The following CD8A variants were observed in gnomAD, a reference collection of about 807,000 sequenced individuals.
The protein encoded by CD8A is CD8 subunit alpha.
Under a neutral mutation model 24.2 loss-of-function variants are expected in CD8A, and 25 were observed. The ratio of observed to expected loss-of-function variants is 1.03; its 90% CI spans 0.75 to 1.44. The LOEUF (loss-of-function observed/expected upper bound fraction) is 1.44, where lower values mean the gene tolerates loss of function less well. Ranked by LOEUF, CD8A falls within the 40% of genes most tolerant of loss-of-function variation. CD8A has a pLI of 0.00. For synonymous variants in CD8A, 165 were observed against 149.9 expected (o/e 1.10, Z -0.74); for missense variants, 360 against 319.7 (o/e 1.13, Z -0.96).
At chr2:86,791,341 C>T (rs1428523200), upstream of CD8A, 3 of 361,856 alleles carry the variant, frequency 8.3e-6, no homozygotes, top group Non-Finnish European at 1.6e-5. Context: ...TAGCGACCTG[C>T]CCGCTTCTGA....
Position 86,785,201 on chromosome 2 carries a change from T to C in CD8A, c.*719A>G, listed in dbSNP as rs1558732500. The C allele has an allele frequency of 4.4e-6, 2 of 453,906 alleles. No homozygotes were observed. The highest frequency in any genetic ancestry group is 8.8e-6 in the Non-Finnish European group (2 of 226,790). The allele number at this position is 453,906 out of a possible 1,614,324, so 28.1% of individuals were successfully genotyped here. A position where few individuals can be genotyped will look rare whatever the true frequency, so the allele number is the denominator to read the frequency against. ...GTTTCACAGAGATTTTCTTTAGAGA[T>C]AGAGGGATTCATTTTCCAGGGTTAA... is the stretch of plus-strand genomic sequence containing the variant. On this transcript the variant is annotated 3_prime_UTR_variant, in exon 6 of 6. Transcript: ENST00000283635.
chr2:86,789,047 TGCGC>T (rs1673144251), intron 4 of CD8A, among the ~76,000 whole-genome samples: 1 of 152,168 alleles, frequency 6.6e-6, no homozygotes, highest in Non-Finnish European at 1.5e-5. Context: ...TCCAGACATG[TGCGC>T]GCGCGCTGCG....
At chr2:86,787,677 A>G (rs1270203461) in intron 5 of CD8A, among the ~76,000 whole-genome samples, 7 of 152,174 alleles carry the variant, frequency 4.6e-5, no homozygotes, top group African/African-American at 1.4e-4. Flanking sequence ...CTTTCATCAA[A>G]TGGTTATTAC....
intron 5 of CD8A, among the ~76,000 whole-genome samples, chr2:86,787,804 C>A (rs1477294198): frequency 1.3e-5 from 2 of 151,930 alleles, no homozygotes; most frequent in Non-Finnish European, 2.9e-5. Context: ...TATCACAGTG[C>A]CTGACTAGAG....
At chr2:86,807,954 G>C (rs1573474525) in intron 1 of CD8A, among the ~76,000 whole-genome samples, 1 of 152,160 alleles carries the variant, frequency 6.6e-6, no homozygotes, top group Non-Finnish European at 1.5e-5. Flanking sequence ...GACAGGGTCT[G>C]CTGTAGAGGA....
chr2:86,805,685 T>C (rs1167318356), intron 2 of CD8A, among the ~76,000 whole-genome samples: 2 of 152,180 alleles, frequency 1.3e-5, no homozygotes, highest in East Asian at 3.9e-4. Flanking sequence ...AAGAACTCTC[T>C]GCCTTCCATA....
chr2:86,789,799 G>GCCCCCC (rs55827403), intron 2 of CD8A, 49 bp from the exon 3 acceptor site: 2 of 1,099,470 alleles, frequency 1.8e-6, no homozygotes. Context: ...GGTTATGGAG[G>GCCCCCC]CGCCCCAGCC....
At chr2:86,789,849 C>G in intron 2 of CD8A, 99 bp from the exon 3 acceptor site, 1 of 685,640 alleles carries the variant, frequency 1.5e-6, no homozygotes, top group Non-Finnish European at 2.1e-6. Flanking sequence ...CGCCTCCCCC[C>G]GGTTTTCCTG....
In CD8A at chr2:86,785,694, C is replaced by A. The variant is rs147020519; in HGVS notation, c.*226G>T. The A allele has an allele frequency of 1.4e-6, 1 of 699,456 alleles. No homozygotes were observed. The allele number at this position is 699,456 out of a possible 1,614,324, so 43.3% of individuals were successfully genotyped here. ...CCTTTCCACGCCCTACCGCGATGTG[C>A]GCACAACAGTATTGTGACCCTTGTG... On this transcript the variant is annotated 3_prime_UTR_variant, in exon 6 of 6. Coordinates refer to ENST00000283635, the MANE Select transcript of CD8A (RefSeq NM_001768.7).
intron 3 of CD8A, among the ~76,000 whole-genome samples, chr2:86,799,734 C>T (rs537718945): frequency 3.3e-5 from 5 of 151,146 alleles, no homozygotes; most frequent in East Asian, 1.9e-4. Flanking sequence ...CCAGCCTGGG[C>T]GACAGAGCGA....
intron 2 of CD8A, among the ~76,000 whole-genome samples, chr2:86,804,789 TA>T (rs1347274550): frequency 7.1e-6 from 1 of 140,786 alleles, no homozygotes; most frequent in African/African-American, 2.6e-5. Flanking sequence ...TGTTCCTTGC[TA>T]AATCTTTTTT....
At chr2:86,803,687 GACTACAGGCACCTGCCACCAC>G (rs1673748823) in intron 2 of CD8A, among the ~76,000 whole-genome samples, 1 of 152,184 alleles carries the variant, frequency 6.6e-6, no homozygotes, top group African/African-American at 2.4e-5. Context: ...GAGTAGCTGG[GACTACAGGCACCTGCCACCAC>G]ACCTGGCTAA....
rs1475492230 is a variant in CD8A, at chr2:86,790,323, C to A, written c.403+5G>T. On this transcript the variant is annotated splice_donor_5th_base_variant and intron_variant, in intron 2 of 5. Transcript: ENST00000283635. ...CGGAGAGGTGCCGCAACCCGGCGCG[C>A]GGACCTGGCAGGAAGACCGGCACGA... 1.2e-6 allele frequency: 2 copies of A among 1,609,714 alleles called. No individual in the cohort carries two copies. The highest frequency in any genetic ancestry group is 1.7e-6 in the Non-Finnish European group (2 of 1,176,282).
Position 86,784,809 on chromosome 2 carries a change from CT to C in CD8A, c.*1110del. ...TGAGTGGTTCTTATTTCCTTATCTA[CT>C]TAAGTTTTTTCTCTCCAATGGGCAG... On this transcript the variant is annotated 3_prime_UTR_variant, in exon 6 of 6. Coordinates refer to ENST00000283635, the MANE Select transcript of CD8A (RefSeq NM_001768.7). The C allele has an allele frequency of 2.2e-6, 1 of 454,074 alleles. No individual in the cohort carries two copies. The highest frequency in any genetic ancestry group is 1.6e-5 in the South Asian group (1 of 64,468). 28.1% of individuals were successfully genotyped at this position (454,074 alleles called of 1,614,324 possible). A position where few individuals can be genotyped will look rare whatever the true frequency, so the allele number is the denominator to read the frequency against.
Position 86,784,811 on chromosome 2 carries a change from T to G in CD8A, c.*1109A>C. On this transcript the variant is annotated 3_prime_UTR_variant, in exon 6 of 6. Coordinates refer to ENST00000283635, the MANE Select transcript of CD8A (RefSeq NM_001768.7). Reference sequence around the variant, plus strand: ...AGTGGTTCTTATTTCCTTATCTACTTAAGTTTTTTCTCTCCAATGGGCAGG... The same window carrying G: ...AGTGGTTCTTATTTCCTTATCTACTGAAGTTTTTTCTCTCCAATGGGCAGG... The G allele has an allele frequency of 4.4e-6, 2 of 454,114 alleles. No homozygotes were observed. Among genetic ancestry groups the G allele is most frequent in the Non-Finnish European group, 8.8e-6 (2 of 226,784 alleles). The allele number at this position is 454,114 out of a possible 1,614,324, so 28.1% of individuals were successfully genotyped here. A position where few individuals can be genotyped will look rare whatever the true frequency, so the allele number is the denominator to read the frequency against.
chr2:86,788,004 T>A (rs1673094228), intron 5 of CD8A, among the ~76,000 whole-genome samples: 1 of 152,024 alleles, frequency 6.6e-6, no homozygotes, highest in Admixed American at 6.6e-5. Flanking sequence ...GTTCCCCTTT[T>A]TTCTACTCCA....
At position 86,790,895 on chromosome 2, in the gene CD8A, G is replaced by T. The variant is rs769505299; in HGVS notation, c.-70C>A. On this transcript the variant is annotated 5_prime_UTR_variant, in exon 1 of 6. Transcript: ENST00000283635. ...GGGGAGGCGCGCGGGAGCCGGTGGG[G>T]CGCCGAGGGGGGAAAGTTGCGCCCT... 1 of 1,431,812 alleles carries T rather than the reference G, an allele frequency of 7.0e-7. No homozygotes were observed. Among genetic ancestry groups the T allele is most frequent in the Non-Finnish European group, 9.5e-7 (1 of 1,052,132 alleles). The allele number at this position is 1,431,812 out of a possible 1,614,324, so 88.7% of individuals were successfully genotyped here.
In CD8A at chr2:86,789,702, G is replaced by C. The variant is rs1465310934; in HGVS notation, c.452C>G (p.Thr151Ser). The change falls in exon 3 of 6, where the codon ACC becomes AGC. Residue 151 changes from threonine (T) to serine (S), a missense_variant. By Grantham distance (58) the Thr-to-Ser change is moderately conservative (BLOSUM62 1). Transcript: ENST00000283635. Reference protein sequence around the residue: ...PAPRPPTPAPTIASQPLSLRP... With the variant: ...PAPRPPTPAPSIASQPLSLRP... ...CAGGGACAGGGGCTGCGACGCGATG[G>C]TGGGCGCCGGTGTTGGTGGTCGCGG... 7 of 1,393,906 alleles carry C rather than the reference G, an allele frequency of 5.0e-6. No individual in the cohort carries two copies. In the South Asian group the frequency reaches 1.2e-4, roughly 24 times the overall value. 86.3% of individuals were successfully genotyped at this position (1,393,906 alleles called of 1,614,324 possible).
Position 86,785,647 on chromosome 2 carries a change from C to G in CD8A, c.*273G>C, listed in dbSNP as rs1031435728. On this transcript the variant is annotated 3_prime_UTR_variant, in exon 6 of 6. Coordinates refer to ENST00000283635, the MANE Select transcript of CD8A (RefSeq NM_001768.7). ...CTCTCTCAGCATGATTCTGAGAACT[C>G]TGCGGGTAGCTCTGGCCTGCCCCTT... is the stretch of plus-strand genomic sequence containing the variant. 1 of 648,916 alleles carries G rather than the reference C, an allele frequency of 1.5e-6. No individual in the cohort carries two copies. Among genetic ancestry groups the G allele is most frequent in the African/African-American group, 1.8e-5 (1 of 56,088 alleles). 40.2% of individuals were successfully genotyped at this position (648,916 alleles called of 1,614,324 possible). A position where few individuals can be genotyped will look rare whatever the true frequency, so the allele number is the denominator to read the frequency against.
Sources: allele counts gnomAD v4.1 joint callset (sites outside exome capture counted in the v4.1 genomes callset), GRCh38; gene constraint gnomAD v4.1.1; transcripts MANE v1.5; gene names NCBI Gene and HGNC (gene_info 2026-07-23, HGNC 2026-07-21).